The following CELF2 variants were observed in gnomAD, a reference collection of about 807,000 sequenced individuals.
CELF2 encodes CUGBP Elav-like family member 2.
A neutral mutation model predicts 62.6 loss-of-function variants in CELF2; 8 were observed. That is an observed-to-expected ratio of 0.13 (90% confidence interval 0.07 to 0.23). CELF2 has a LOEUF of 0.23. Among genes scored for constraint, CELF2 ranks in the 10% least tolerant of loss-of-function variants. The pLI is 1.00. For missense variants in CELF2, 333 were observed against 671.0 expected, an observed-to-expected ratio of 0.50 and a Z score of 5.56; for synonymous variants, 258 against 250.0, an observed-to-expected ratio of 1.03 and a Z score of -0.30.
At chr10:11,245,845 G>C (rs764642414) in intron 3 of CELF2, among the ~76,000 whole-genome samples, 1 of 152,138 alleles carries the variant, frequency 6.6e-6, no homozygotes, top group African/African-American at 2.4e-5. Flanking sequence ...GTTCTTAACC[G>C]AAGGCTCATA....
chr10:11,061,641 T>C (rs2066750521), intron 1 of CELF2, among the ~76,000 whole-genome samples: 1 of 152,208 alleles, frequency 6.6e-6, no homozygotes, highest in South Asian at 2.1e-4. Flanking sequence ...GATTATCTTA[T>C]AAGGGGCTAA....
chr10:11,026,955 T>C (rs1051683574), intron 1 of CELF2, among the ~76,000 whole-genome samples: 1 of 152,202 alleles, frequency 6.6e-6, no homozygotes, highest in Non-Finnish European at 1.5e-5. Context: ...TGTTTCGGAA[T>C]GATTAACTTT....
intron 1 of CELF2, among the ~76,000 whole-genome samples, chr10:10,840,907 G>T (rs1480108455): frequency 2.6e-5 from 4 of 151,964 alleles, no homozygotes; most frequent in South Asian, 4.2e-4. Flanking sequence ...TGTTCTCATT[G>T]TTCAACCCCC....
At chr10:11,257,336 CA>C (rs61363639) in intron 4 of CELF2, among the ~76,000 whole-genome samples, 7,952 of 114,510 alleles carry the variant, frequency 0.069, 223 homozygotes, top group Non-Finnish European at 0.11. Flanking sequence ...AGACCATCTA[CA>C]AAAAAAAAAA....
At chr10:11,022,072 A>G (rs920000415) in intron 1 of CELF2, among the ~76,000 whole-genome samples, 2 of 152,266 alleles carry the variant, frequency 1.3e-5, no homozygotes, top group Non-Finnish European at 2.9e-5. Context: ...AAGTCTATTT[A>G]GAAAATGCAG....
chr10:10,505,922 C>T, the CELF2 span, among the ~76,000 whole-genome samples: 1 of 152,190 alleles, frequency 6.6e-6, no homozygotes, highest in East Asian at 1.9e-4. Context: ...ATCTTCAGAT[C>T]TCAAGTTCCC....
At position 11,319,223 on chromosome 10, in the gene CELF2, A is replaced by G. The variant is rs11596316; in HGVS notation, c.1097-1966A>G. The G allele has an allele frequency of 0.081, 32,507 of 401,468 alleles. 1,834 individuals carry two copies. The highest frequency in any genetic ancestry group is 0.12 in the Non-Finnish European group (23,367 of 194,154). 24.9% of individuals were successfully genotyped at this position (401,468 alleles called of 1,614,324 possible). On this transcript the variant is annotated intron_variant, in intron 10 of 12. Coordinates refer to ENST00000633077, the MANE Select transcript of CELF2 (RefSeq NM_001326342.2). This position sits in a 1 kb window ranked among gnomAD's most constrained non-coding sequence, Gnocchi z 4.4. ...ACCCGTTAACAGCCTGGCCAAAGTGAGACCAACAGAATTTATCAGCAGCGT... is the reference window on the plus strand; with the variant it reads ...ACCCGTTAACAGCCTGGCCAAAGTGGGACCAACAGAATTTATCAGCAGCGT...
chr10:11,044,465 A>C (rs1441643825), intron 1 of CELF2, among the ~76,000 whole-genome samples: 1 of 152,110 alleles, frequency 6.6e-6, no homozygotes, highest in African/African-American at 2.4e-5. Context: ...CTTGCAAAAG[A>C]CTTCTATATG....
rs192851584 is a variant in CELF2 at position 10,808,132 on chromosome 10, G to T, written c.53+9315G>T. Among the ~76,000 whole-genome samples the T allele has an allele frequency of 2.4e-3, 360 of 152,170 alleles. 2 individuals are homozygous for T. The highest frequency in any genetic ancestry group is 2.8e-3 in the Non-Finnish European group (191 of 67,980). On this transcript the variant is annotated intron_variant, in intron 1 of 13. Transcript: ENST00000636488. ...AATAACACTATCGACAAGAAAATGT[G>T]GTAGTTTCTGTGACATAAAACATGT...
At chr10:10,731,987 G>A in the CELF2 span, among the ~76,000 whole-genome samples, 1 of 152,176 alleles carries the variant, frequency 6.6e-6, no homozygotes, top group East Asian at 1.9e-4. Context: ...TGCAAGATAA[G>A]CAACCCTACA....
chr10:11,014,313 C>A (rs1427869951), upstream of CELF2, among the ~76,000 whole-genome samples: 2 of 152,114 alleles, frequency 1.3e-5, no homozygotes, highest in African/African-American at 4.8e-5. Flanking sequence ...TAGCTACTGC[C>A]TTTTAAGTGA....
chr10:10,619,485 T>C, the CELF2 span, among the ~76,000 whole-genome samples: 2 of 152,236 alleles, frequency 1.3e-5, no homozygotes, highest in Non-Finnish European at 2.9e-5. Flanking sequence ...CTGACTTTAG[T>C]CCACAGGTTT....
intron 2 of CELF2, among the ~76,000 whole-genome samples, chr10:10,959,548 C>G (rs978953607): frequency 6.6e-6 from 1 of 152,196 alleles, no homozygotes; most frequent in Non-Finnish European, 1.5e-5. Context: ...AAGGTTTCAA[C>G]TGGGTGACTT....
intron 1 of CELF2, among the ~76,000 whole-genome samples, chr10:10,808,009 G>C (rs201894101): frequency 6.6e-6 from 1 of 152,166 alleles, no homozygotes; most frequent in South Asian, 2.1e-4. Context: ...TCTGTGGCTT[G>C]AGCTGTTTGC....
chr10:10,958,360 G>A (rs187873601), intron 2 of CELF2, among the ~76,000 whole-genome samples: 292 of 152,256 alleles, frequency 1.9e-3, no homozygotes, highest in African/African-American at 6.6e-3. Context: ...TAGAACAAAC[G>A]GTGGAGTCAG....
chr10:10,834,508 A>C (rs9633778), intron 1 of CELF2, among the ~76,000 whole-genome samples: 93,016 of 151,598 alleles, frequency 0.61, 30,162 homozygotes, highest in East Asian at 0.95. Context: ...AGGACAGGCG[A>C]CAGCCCAGAC....
At chr10:10,782,675 C>T in the CELF2 span, among the ~76,000 whole-genome samples, 1 of 152,316 alleles carries the variant, frequency 6.6e-6, no homozygotes, top group Admixed American at 6.5e-5. Context: ...ACTGTGTTTT[C>T]CTTTCTTCCT....
the CELF2 span, among the ~76,000 whole-genome samples, chr10:10,682,897 G>A: frequency 6.6e-6 from 1 of 151,976 alleles, no homozygotes; most frequent in South Asian, 2.1e-4. Context: ...GAATTCTATG[G>A]GTCTGTTTTG....
At chr10:10,527,380 G>A in the CELF2 span, among the ~76,000 whole-genome samples, 1 of 150,718 alleles carries the variant, frequency 6.6e-6, no homozygotes, top group African/African-American at 2.4e-5. Flanking sequence ...CTGGGAGGTA[G>A]AGGTTGCAGT....
Sources: allele counts gnomAD v4.1 joint callset (sites outside exome capture counted in the v4.1 genomes callset), GRCh38; gene constraint gnomAD v4.1.1; non-coding constraint Gnocchi (gnomAD v3.1); transcripts MANE v1.5; gene names NCBI Gene and HGNC (gene_info 2026-07-23, HGNC 2026-07-21).